ZNF362: variants seen among roughly 807,000 people sequenced by gnomAD.
ZNF362 encodes the protein zinc finger protein 362, also known as rotund homolog.
In ZNF362, 11 loss-of-function variants were observed where a neutral mutation model predicts 42.9. The observed-to-expected ratio is 0.26, with a 90% CI of 0.16 to 0.42. The LOEUF (loss-of-function observed/expected upper bound fraction) is 0.42. ZNF362 is among the 20% of genes least tolerant of loss of function. The pLI is 1.00. For missense variants in ZNF362, 362 were observed against 576.2 expected (o/e 0.63, Z 3.81); for synonymous variants, 255 against 257.3 (o/e 0.99, Z 0.09).
chr1:33,144,352 G>C, the ZNF362 span, among the ~76,000 whole-genome samples: 1 of 152,126 alleles, frequency 6.6e-6, no homozygotes, highest in Non-Finnish European at 1.5e-5. Flanking sequence ...TGGTCAGGGC[G>C]GTTTTGAACT....
upstream of ZNF362, among the ~76,000 whole-genome samples, chr1:33,252,222 G>A (rs764483802): frequency 1.3e-5 from 2 of 152,150 alleles, no homozygotes; most frequent in Non-Finnish European, 2.9e-5. Context: ...GTGGTGGCAT[G>A]TGCCTGTAAT....
chr1:33,240,876 C>T, the ZNF362 span, among the ~76,000 whole-genome samples: 1 of 152,122 alleles, frequency 6.6e-6, no homozygotes, highest in African/African-American at 2.4e-5. Context: ...AAAAATGTGC[C>T]CATGCTTTTC....
In ZNF362 at chr1:33,280,715, G is replaced by T. The variant is rs868484335; in HGVS notation, c.683+258G>T. 1.1e-4 allele frequency among the ~76,000 whole-genome samples: 17 copies of T among 152,212 alleles called. No homozygotes were observed. Among genetic ancestry groups the T allele is most frequent in the Admixed American group, 5.9e-4 (9 of 15,292 alleles). On this transcript the variant is annotated intron_variant, in intron 5 of 8. Transcript: ENST00000539719. This position sits in a 1 kb window ranked among gnomAD's most constrained non-coding sequence, Gnocchi z 5.6. ...CTGGCAGCCACCCCCACAGCCTGGG[G>T]TTGTGAGAGTCGGTTTCCTCCTCCC...
intron 2 of ZNF362, chr1:33,274,958 T>C (rs564814064): frequency 1.0e-6 from 1 of 985,412 alleles, no homozygotes; most frequent in East Asian, 1.1e-4. Context: ...TGTGTCCTTA[T>C]TGAGGGTTTT....
the ZNF362 span, among the ~76,000 whole-genome samples, chr1:33,231,949 A>G: frequency 6.6e-6 from 1 of 152,162 alleles, no homozygotes; most frequent in African/African-American, 2.4e-5. Context: ...GTTATTGGCC[A>G]GAGCCTGGAC....
At chr1:33,282,468 C>CG (rs1553179226) in intron 6 of ZNF362, among the ~76,000 whole-genome samples, 1 of 152,142 alleles carries the variant, frequency 6.6e-6, no homozygotes, top group Non-Finnish European at 1.5e-5. Flanking sequence ...TCTCTGCCTT[C>CG]GTGGGGCATA....
chr1:33,247,747 G>A, the ZNF362 span, among the ~76,000 whole-genome samples: 4 of 152,234 alleles, frequency 2.6e-5, no homozygotes, highest in Non-Finnish European at 4.4e-5. Flanking sequence ...GATCCAGCAC[G>A]GGAGGATTGT....
At chr1:33,202,256 A>T in the ZNF362 span, among the ~76,000 whole-genome samples, 5 of 152,354 alleles carry the variant, frequency 3.3e-5, no homozygotes, top group Admixed American at 6.5e-5. Context: ...ATATTTTCCA[A>T]TTCATCCTAT....
the ZNF362 span, among the ~76,000 whole-genome samples, chr1:33,128,059 G>A: frequency 3.3e-5 from 5 of 152,066 alleles, no homozygotes; most frequent in African/African-American, 7.2e-5. Context: ...TTATTCTAAA[G>A]ATAAATAAAT....
the ZNF362 span, among the ~76,000 whole-genome samples, chr1:33,221,386 C>G: frequency 6.6e-6 from 1 of 152,294 alleles, no homozygotes; most frequent in Admixed American, 6.5e-5. Context: ...TCAGGCACCC[C>G]TGTCCCAAAC....
intron 2 of ZNF362, among the ~76,000 whole-genome samples, chr1:33,273,527 GA>G (rs1431972731): frequency 6.6e-6 from 1 of 152,224 alleles, no homozygotes; most frequent in Non-Finnish European, 1.5e-5. Flanking sequence ...GGATCTCCCA[GA>G]ACTGTCTGAG....
At chr1:33,223,249 C>CA in the ZNF362 span, among the ~76,000 whole-genome samples, 1 of 151,858 alleles carries the variant, frequency 6.6e-6, no homozygotes, top group Non-Finnish European at 1.5e-5. Context: ...GATTCTGTCT[C>CA]AAAAAAACAA....
At chr1:33,174,707 G>A in the ZNF362 span, among the ~76,000 whole-genome samples, 1 of 152,014 alleles carries the variant, frequency 6.6e-6, no homozygotes, top group Admixed American at 6.6e-5. Flanking sequence ...TCTGCTCCCT[G>A]GCCTGAAGTA....
chr1:33,261,367 C>T (rs1008813326), intron 1 of ZNF362: 4 of 152,208 alleles, frequency 2.6e-5, no homozygotes, highest in Non-Finnish European at 4.4e-5. Flanking sequence ...TTGTGAATAA[C>T]GCCTGGGAAG....
chr1:33,294,607 G>T lies in ZNF362; in HGVS notation c.909-330G>T, dbSNP rs1054293639. Among the ~76,000 whole-genome samples, 2 of 152,208 alleles carry T rather than the reference G, an allele frequency of 1.3e-5. No individual in the cohort carries two copies. Among genetic ancestry groups the T allele is most frequent in the Non-Finnish European group, 1.5e-5 (1 of 68,030 alleles). ...TGTTCTTTGCAATATGTGGTCCGTAGTGTGGGGTTTTCAAAGAGAGGGGCA... is the reference window on the plus strand; with the variant it reads ...TGTTCTTTGCAATATGTGGTCCGTATTGTGGGGTTTTCAAAGAGAGGGGCA... On this transcript the variant is annotated intron_variant, in intron 6 of 8. Transcript: ENST00000539719. The surrounding 1 kb of genome is among the most constrained non-coding windows in gnomAD (Gnocchi z 4.2).
the ZNF362 span, among the ~76,000 whole-genome samples, chr1:33,225,216 C>G: frequency 6.6e-6 from 1 of 152,168 alleles, no homozygotes; most frequent in East Asian, 1.9e-4. Context: ...AGTCCTTTCT[C>G]AAATGTCACC....
At chr1:33,160,408 A>G in the ZNF362 span, among the ~76,000 whole-genome samples, 100 of 151,810 alleles carry the variant, frequency 6.6e-4, 3 homozygotes, top group East Asian at 0.014. Flanking sequence ...TGCTTTTATT[A>G]TTATTAGTTT....
the ZNF362 span, among the ~76,000 whole-genome samples, chr1:33,207,103 C>T: frequency 6.6e-6 from 1 of 151,782 alleles, no homozygotes; most frequent in Non-Finnish European, 1.5e-5. Flanking sequence ...CTCCCCCAGC[C>T]CCCCACTCCC....
the ZNF362 span, among the ~76,000 whole-genome samples, chr1:33,174,951 A>G: frequency 6.4e-4 from 9 of 14,100 alleles, no homozygotes; most frequent in South Asian, 8.4e-3. Context: ...GTGTGTATAT[A>G]TATATATATA....
Sources: gnomAD v4.1 joint callset for allele counts (sites outside exome capture counted in the v4.1 genomes callset) on GRCh38, gnomAD v4.1.1 for gene constraint, Gnocchi (gnomAD v3.1) non-coding constraint, MANE v1.5 for transcripts, NCBI Gene and HGNC (gene_info 2026-07-23, HGNC 2026-07-21) for gene names.